SMIM36: variants seen among roughly 807,000 people sequenced by gnomAD.
SMIM36 encodes small integral membrane protein 36.
chr17:55,517,813 CTT>C, the SMIM36 span, among the ~76,000 whole-genome samples: 1 of 152,064 alleles, frequency 6.6e-6, no homozygotes, highest in African/African-American at 2.4e-5. Flanking sequence ...AGATTTTAGA[CTT>C]ATCAATATAT....
intron 1 of SMIM36, among the ~76,000 whole-genome samples, chr17:55,493,536 G>A (rs767913821): frequency 3.6e-4 from 55 of 152,204 alleles, no homozygotes; most frequent in Non-Finnish European, 1.2e-4. Flanking sequence ...TGGGCTGGAT[G>A]TGGTGGCTCA....
At position 55,450,979 on chromosome 17, in the gene SMIM36, C is replaced by T. The variant is rs148207517; in HGVS notation, c.*532-681G>A. On this transcript the variant is annotated intron_variant, in intron 4 of 4. Coordinates refer to ENST00000636752, the Ensembl canonical transcript of SMIM36. ...ATGGCTCACTGCAACCTCCGCCTCC[C>T]GAGTTCAAGCAATTCTCCTGCCTCA... Among the ~76,000 whole-genome samples, 628 of 152,264 alleles carry T rather than the reference C, an allele frequency of 4.1e-3. 7 individuals are homozygous for T. The highest frequency in any genetic ancestry group is 0.014 in the African/African-American group (587 of 41,534).
At position 55,453,229 on chromosome 17, in the gene SMIM36, A is replaced by G. The variant is rs184997821; in HGVS notation, c.*532-2931T>C. ...CCACTTGCAAGACTGAGGCGGGAAG[A>G]TGGCTTGAGCCCAGGAGTTTGAGGC... is the stretch of plus-strand genomic sequence containing the variant. On this transcript the variant is annotated intron_variant, in intron 4 of 4. Coordinates refer to ENST00000636752, the Ensembl canonical transcript of SMIM36. Among the ~76,000 whole-genome samples, 1,149 of 152,146 alleles carry G rather than the reference A, an allele frequency of 7.6e-3. 5 individuals are homozygous for G. Among genetic ancestry groups the G allele is most frequent in the Non-Finnish European group, 0.013 (872 of 68,022 alleles).
At position 55,511,171 on chromosome 17, in the gene SMIM36, T is replaced by TG. The variant is rs754269443; in HGVS notation, c.163dup (p.Gln55ProfsTer74). The TG allele has an allele frequency of 1.0e-5, 4 of 398,538 alleles. No individual in the cohort carries two copies. The highest frequency in any genetic ancestry group is 1.8e-5 in the Non-Finnish European group (4 of 226,102). The allele number at this position is 398,538 out of a possible 1,614,324, so 24.7% of individuals were successfully genotyped here. On this transcript the variant is annotated frameshift_variant, in exon 1 of 5. Transcript: ENST00000636752. LOFTEE classifies it high-confidence loss of function. The stretch of plus-strand genomic sequence containing the variant: ...CATCACCACCAACCGGATGGAGGGC[T>TG]GGGCCTCGAGAGTGGCCTCGGGCGC...
chr17:55,483,335 G>C (rs567536537), intron 1 of SMIM36, among the ~76,000 whole-genome samples: 2 of 152,146 alleles, frequency 1.3e-5, no homozygotes, highest in African/African-American at 4.8e-5. Context: ...TTTAAAATAT[G>C]GAGACAGTGT....
chr17:55,488,085 G>A (rs1489687994), intron 1 of SMIM36, among the ~76,000 whole-genome samples: 1 of 152,192 alleles, frequency 6.6e-6, no homozygotes, highest in East Asian at 1.9e-4. Context: ...TTTTCAGGTT[G>A]GCTGAGGGCA....
At chr17:55,470,173 C>T (rs1472610171) in intron 3 of SMIM36, among the ~76,000 whole-genome samples, 1 of 152,158 alleles carries the variant, frequency 6.6e-6, no homozygotes, top group Non-Finnish European at 1.5e-5. Flanking sequence ...GGAAATCGGA[C>T]TGTCCATCTT....
chr17:55,456,605 T>C (rs1909028874), intron 4 of SMIM36, among the ~76,000 whole-genome samples: 1 of 152,214 alleles, frequency 6.6e-6, no homozygotes, highest in African/African-American at 2.4e-5. Flanking sequence ...TTTAGAGATA[T>C]GGGCATTCAA....
At chr17:55,493,528 G>A (rs7208396) in intron 1 of SMIM36, among the ~76,000 whole-genome samples, 48,732 of 152,054 alleles carry the variant, frequency 0.32, 12,035 homozygotes, top group African/African-American at 0.66. Flanking sequence ...AAGAAGTTTG[G>A]GCTGGATGTG....
chr17:55,475,504 C>A (rs1415035426), intron 3 of SMIM36, among the ~76,000 whole-genome samples: 2 of 152,198 alleles, frequency 1.3e-5, no homozygotes, highest in South Asian at 2.1e-4. Context: ...CAATTGCTGG[C>A]TTTGCATTTC....
intron 1 of SMIM36, among the ~76,000 whole-genome samples, chr17:55,499,900 A>C (rs1303711096): frequency 1.3e-5 from 2 of 149,234 alleles, no homozygotes; most frequent in Non-Finnish European, 3.0e-5. Flanking sequence ...AAAATAAGAC[A>C]CAATTAATGA....
intron 1 of SMIM36, among the ~76,000 whole-genome samples, chr17:55,502,062 C>T (rs1445530181): frequency 0.011 from 1,541 of 143,716 alleles, no homozygotes; most frequent in African/African-American, 0.015. Context: ...ACACCTGGCT[C>T]TGAGGGTCCT....
chr17:55,464,368 C>G (rs944013830), intron 4 of SMIM36, among the ~76,000 whole-genome samples: 2 of 152,100 alleles, frequency 1.3e-5, no homozygotes, highest in Non-Finnish European at 2.9e-5. Context: ...TGCTACTTGT[C>G]TAGGGTCAGT....
chr17:55,451,768 C>G (rs1262077294), intron 4 of SMIM36, among the ~76,000 whole-genome samples: 2 of 152,004 alleles, frequency 1.3e-5, no homozygotes, highest in Non-Finnish European at 2.9e-5. Flanking sequence ...TCCTCCTGAA[C>G]AATGCATATC....
At chr17:55,508,850 G>C (rs1910130481) in intron 1 of SMIM36, among the ~76,000 whole-genome samples, 1 of 151,224 alleles carries the variant, frequency 6.6e-6, no homozygotes, top group Non-Finnish European at 1.5e-5. Context: ...TTGAACCCGG[G>C]AGGCGGAGGT....
At chr17:55,515,086 GTTTTTTTTTT>G (rs1158864125), upstream of SMIM36, among the ~76,000 whole-genome samples, 11 of 54,102 alleles carry the variant, frequency 2.0e-4, no homozygotes, top group South Asian at 2.9e-3. Flanking sequence ...CTAGTCTAGT[GTTTTTTTTTT>G]TTTTTTTTTT....
At chr17:55,519,206 T>A in the SMIM36 span, among the ~76,000 whole-genome samples, 227 of 152,246 alleles carry the variant, frequency 1.5e-3, 2 homozygotes, top group African/African-American at 5.0e-3. Context: ...ATTGAGATAG[T>A]AGTTCAAAGT....
At chr17:55,458,259 C>A (rs1909065554) in intron 4 of SMIM36, 1 of 152,158 alleles carries the variant, frequency 6.6e-6, no homozygotes, top group Non-Finnish European at 1.5e-5. Context: ...AGCAAACAGG[C>A]CCCCAGTCAC....
intron 4 of SMIM36, among the ~76,000 whole-genome samples, chr17:55,452,261 A>C (rs111915665): frequency 9.8e-5 from 15 of 152,322 alleles, no homozygotes; most frequent in African/African-American, 3.4e-4. Flanking sequence ...GAACAGTTAG[A>C]GAACTCTTGG....
Sources: gnomAD v4.1 joint callset for allele counts (sites outside exome capture counted in the v4.1 genomes callset) on GRCh38, gnomAD v4.1.1 for gene constraint, MANE v1.5 for transcripts, NCBI Gene and HGNC (gene_info 2026-07-23, HGNC 2026-07-21) for gene names.